TRMT61A: variants seen among roughly 807,000 people sequenced by gnomAD.
The protein encoded by TRMT61A is tRNA (adenine(58)-N(1))-methyltransferase catalytic subunit TRMT61A.
Under a neutral mutation model 21.3 loss-of-function variants are expected in TRMT61A, and 15 were observed. The ratio of observed to expected loss-of-function variants is 0.70; its 90% CI spans 0.47 to 1.08. The LOEUF (loss-of-function observed/expected upper bound fraction) is 1.08. Among genes scored for constraint, TRMT61A ranks in the 50% least tolerant of loss-of-function variants. The pLI, the probability that TRMT61A is intolerant of heterozygous loss-of-function variation, is 0.00. For synonymous variants in TRMT61A, 183 were observed against 185.5 expected (o/e 0.99, Z 0.11); for missense variants, 352 against 426.7 (o/e 0.83, Z 1.54).
chr14:103,535,399 T>C lies in TRMT61A; in HGVS notation c.*578T>C. 2.2e-6 allele frequency: 1 copy of C among 453,884 alleles called. No homozygotes were observed. Among genetic ancestry groups the C allele is most frequent in the Non-Finnish European group, 4.4e-6 (1 of 225,700 alleles). The allele number at this position is 453,884 out of a possible 1,614,324, so 28.1% of individuals were successfully genotyped here. ...GAACCAGGGAGGTGACCCTGCTCTC[T>C]GGCCTCCTGGCTGATGTCACAGCAC... is the stretch of plus-strand genomic sequence containing the variant. On this transcript the variant is annotated 3_prime_UTR_variant, in exon 4 of 4. Coordinates refer to ENST00000389749, the MANE Select transcript of TRMT61A (RefSeq NM_152307.3).
intron 3 of TRMT61A, among the ~76,000 whole-genome samples, chr14:103,534,024 G>A (rs1181608165): frequency 2.0e-5 from 3 of 152,248 alleles, no homozygotes; most frequent in Non-Finnish European, 2.9e-5. Flanking sequence ...CTCATTCACT[G>A]CAGGCCAGGC....
intron 1 of TRMT61A, among the ~76,000 whole-genome samples, chr14:103,529,490 C>T (rs552468348): frequency 6.6e-6 from 1 of 152,364 alleles, no homozygotes; most frequent in African/African-American, 2.4e-5. Context: ...TGCCACCTAG[C>T]CCCCGTGGGG....
intron 2 of TRMT61A, 94 bp downstream of exon 2, chr14:103,530,403 C>A: frequency 9.2e-7 from 1 of 1,090,528 alleles, no homozygotes; most frequent in Non-Finnish European, 1.3e-6. Context: ...ACACATGTGG[C>A]TCCTCAGTTT....
chr14:103,530,814 T>G (rs2075951747), intron 2 of TRMT61A, among the ~76,000 whole-genome samples: 1 of 152,222 alleles, frequency 6.6e-6, no homozygotes, highest in Admixed American at 6.5e-5. Context: ...TGGGAACCCC[T>G]GCACATATAC....
intron 2 of TRMT61A, among the ~76,000 whole-genome samples, chr14:103,532,155 C>T (rs950487371): frequency 6.6e-6 from 1 of 151,998 alleles, no homozygotes; most frequent in Non-Finnish European, 1.5e-5. Context: ...CCACTGTTGA[C>T]GGGGATTGAG....
In TRMT61A at chr14:103,534,530, T is replaced by A. The variant is rs1248802458; in HGVS notation, c.599-20T>A. 1 of 1,540,510 alleles carries A rather than the reference T, an allele frequency of 6.5e-7. No individual in the cohort carries two copies. The highest frequency in any genetic ancestry group is 8.8e-7 in the Non-Finnish European group (1 of 1,139,096). On this transcript the variant is annotated intron_variant, in intron 3 of 3. Transcript: ENST00000389749. Reference sequence around the variant, plus strand: ...CTCTGCCACCCCTGCCCTCTGACCCTCGGGTCCTGTTTCCCACAGGCGGGC... The same window carrying A: ...CTCTGCCACCCCTGCCCTCTGACCCACGGGTCCTGTTTCCCACAGGCGGGC...
In TRMT61A at chr14:103,531,610, C is replaced by G. The variant is rs761324182; in HGVS notation, c.332-972C>G. 3.3e-5 allele frequency among the ~76,000 whole-genome samples: 5 copies of G among 151,922 alleles called. No homozygotes were observed. The highest frequency in any genetic ancestry group is 7.4e-5 in the Non-Finnish European group (5 of 67,950). ...GGGCGAGGCAGCAGGCTGGGGGCAC[C>G]CAGGGGAGGGGCTGGACAGGTGGGG... On this transcript the variant is annotated intron_variant, in intron 2 of 3. Coordinates refer to ENST00000389749, the MANE Select transcript of TRMT61A (RefSeq NM_152307.3). The surrounding 1 kb of genome is among the most constrained non-coding windows in gnomAD (Gnocchi z 5.1).
chr14:103,535,445 G>C lies in TRMT61A; in HGVS notation c.*624G>C. ...AGCACTGAGCTCAGCCCAGGCCTTCGTCCACTCATGTCCAAGAGGCGGGGC... is the reference window on the plus strand; with the variant it reads ...AGCACTGAGCTCAGCCCAGGCCTTCCTCCACTCATGTCCAAGAGGCGGGGC... On this transcript the variant is annotated 3_prime_UTR_variant, in exon 4 of 4. Coordinates refer to ENST00000389749, the MANE Select transcript of TRMT61A (RefSeq NM_152307.3). 1 of 412,276 alleles carries C rather than the reference G, an allele frequency of 2.4e-6. No homozygotes were observed. The highest frequency in any genetic ancestry group is 4.9e-6 in the Non-Finnish European group (1 of 205,732). The allele number at this position is 412,276 out of a possible 1,614,324, so 25.5% of individuals were successfully genotyped here. A position where few individuals can be genotyped will look rare whatever the true frequency, so the allele number is the denominator to read the frequency against.
chr14:103,530,206 G>C lies in TRMT61A; in HGVS notation c.228G>C (p.Trp76Cys). Reference protein sequence around the residue: ...VYVLHPTPELWTLNLPHRTQI... With the variant: ...VYVLHPTPELCTLNLPHRTQI... ...TGCTGCACCCCACGCCCGAGCTCTG[G>C]ACGCTGAACCTGCCGCACCGCACGC... Residue 76 changes from tryptophan to cysteine, a missense_variant, in exon 2 of 4, where the codon TGG becomes TGC. By Grantham distance (215) the Trp-to-Cys change is radical. Coordinates refer to ENST00000389749, the MANE Select transcript of TRMT61A (RefSeq NM_152307.3). The C allele has an allele frequency of 1.2e-6, 2 of 1,612,284 alleles. No homozygotes were observed. The highest frequency in any genetic ancestry group is 1.7e-6 in the Non-Finnish European group (2 of 1,179,476).
chr14:103,532,900 G>C, intron 3 of TRMT61A, 52 bp downstream of exon 3: 1 of 1,499,978 alleles, frequency 6.7e-7, no homozygotes, highest in Non-Finnish European at 8.9e-7. Context: ...TGGGGCAAGG[G>C]TGCAGGACTG....
intron 3 of TRMT61A, among the ~76,000 whole-genome samples, chr14:103,534,046 C>T (rs887361332): frequency 9.8e-5 from 15 of 152,344 alleles, no homozygotes; most frequent in South Asian, 4.1e-4. Context: ...AAGTGAAGCC[C>T]GTGGCTGCCC....
Position 103,532,783 on chromosome 14 carries a change from T to C in TRMT61A, c.533T>C (p.Val178Ala), listed in dbSNP as rs769325334. ...GFGVSHVADA[V>A]FLDIPSPWEA... ...GGCGTGAGCCACGTGGCCGACGCCG[T>C]CTTCCTGGACATCCCATCACCCTGG... Residue 178 changes from valine (V) to alanine (A), a missense_variant, in exon 3 of 4, where the codon GTC becomes GCC. Physicochemically the swap from Val to Ala is moderately conservative, Grantham distance 64. Transcript: ENST00000389749. 2.5e-6 allele frequency: 4 copies of C among 1,572,854 alleles called. No homozygotes were observed. The highest frequency in any genetic ancestry group is 2.3e-5 in the South Asian group (2 of 86,490).
rs745307285 is a variant in TRMT61A at position 103,532,725 on chromosome 14, G to A, written c.475G>A (p.Val159Met). 1.7e-5 allele frequency: 27 copies of A among 1,610,986 alleles called. No individual in the cohort carries two copies. The South Asian group carries it at 2.9e-4, about 17-fold the overall frequency. ...QEHRVGRWVT[V>M]RTQDVCRSGF... The stretch of plus-strand genomic sequence containing the variant: ...GCACCGTGTGGGCCGCTGGGTGACT[G>A]TGCGCACCCAGGACGTGTGCCGCAG... Residue 159 changes from valine (V) to methionine (M), a missense_variant, in exon 3 of 4, where the codon GTG becomes ATG. Transcript: ENST00000389749.
chr14:103,534,819 T>C lies in TRMT61A; in HGVS notation c.868T>C (p.Ter290GlnextTer55), dbSNP rs1372979325. Residue 290 changes from the stop codon to glutamine, a stop_lost, in exon 4 of 4, where the codon TAG becomes CAG. Transcript: ENST00000389749. Reference sequence around the variant, plus strand: ...GACCTTCGCCACCAAGACCCCAGGCTAGGGGGCCGCCTCCCAGGGCACCAG... The same window carrying C: ...GACCTTCGCCACCAAGACCCCAGGCCAGGGGGCCGCCTCCCAGGGCACCAG... ...YLTFATKTPG[*>Q] 4.5e-6 allele frequency: 7 copies of C among 1,545,932 alleles called. No homozygotes were observed. Among genetic ancestry groups the C allele is most frequent in the Non-Finnish European group, 5.2e-6 (6 of 1,148,796 alleles).
At chr14:103,529,786 A>C (rs1271588728) in intron 1 of TRMT61A, among the ~76,000 whole-genome samples, 164 bp from the exon 2 acceptor site, 1 of 152,228 alleles carries the variant, frequency 6.6e-6, no homozygotes, top group Non-Finnish European at 1.5e-5. Flanking sequence ...GCCAGAGTGC[A>C]GCGCTATTGG....
rs978272575 is a variant in TRMT61A, at chr14:103,534,801, G to C, written c.850G>C (p.Ala284Pro). ...AVGHTGYLTF[A>P]TKTPG ...GGGCCACACCGGCTACCTGACCTTC[G>C]CCACCAAGACCCCAGGCTAGGGGGC... Residue 284 changes from alanine (A) to proline (P), a missense_variant, in exon 4 of 4, where the codon GCC becomes CCC. By Grantham distance (27) the Ala-to-Pro change is conservative. Coordinates refer to ENST00000389749, the MANE Select transcript of TRMT61A (RefSeq NM_152307.3). The C allele has an allele frequency of 6.4e-7, 1 of 1,554,984 alleles. No individual in the cohort carries two copies. Among genetic ancestry groups the C allele is most frequent in the Non-Finnish European group, 8.7e-7 (1 of 1,153,266 alleles).
chr14:103,533,887 G>A (rs772267562), intron 3 of TRMT61A, among the ~76,000 whole-genome samples: 13 of 152,210 alleles, frequency 8.5e-5, no homozygotes, highest in African/African-American at 1.4e-4. Flanking sequence ...TGGCGGCCCC[G>A]TGTTAGGGTA....
In TRMT61A at chr14:103,531,680, G is replaced by A. The variant is rs1165248269; in HGVS notation, c.332-902G>A. ...AGGAATGTGGGAGGTGGCAGGACGT[G>A]GGACGGGATAGAGGGAGTGGAGGCA... On this transcript the variant is annotated intron_variant, in intron 2 of 3. Transcript: ENST00000389749. The surrounding 1 kb of genome is among the most constrained non-coding windows in gnomAD (Gnocchi z 5.1). Among the ~76,000 whole-genome samples the A allele has an allele frequency of 6.6e-6, 1 of 152,174 alleles. No homozygotes were observed. The highest frequency in any genetic ancestry group is 1.5e-5 in the Non-Finnish European group (1 of 68,022).
chr14:103,533,404 G>A (rs762662942), intron 3 of TRMT61A, among the ~76,000 whole-genome samples: 17 of 152,260 alleles, frequency 1.1e-4, no homozygotes, highest in Middle Eastern at 3.4e-3. Context: ...GGTGCTGGGC[G>A]CCCCACCCCA....
Sources: allele counts gnomAD v4.1 joint callset (sites outside exome capture counted in the v4.1 genomes callset), GRCh38; gene constraint gnomAD v4.1.1; non-coding constraint Gnocchi (gnomAD v3.1); transcripts MANE v1.5; gene names NCBI Gene and HGNC (gene_info 2026-07-23, HGNC 2026-07-21).